Variants in ADGRB3 observed in about 807,000 individuals in gnomAD.
ADGRB3 encodes brain-specific angiogenesis inhibitor 3.
ADGRB3 carries 37 observed loss-of-function variants against 193.4 expected under a neutral mutation model. The ratio of observed to expected loss-of-function variants is 0.19; its 90% CI spans 0.15 to 0.25. The LOEUF (loss-of-function observed/expected upper bound fraction) is 0.25, where lower values mean the gene tolerates loss of function less well. Among genes scored for constraint, ADGRB3 ranks in the 10% least tolerant of loss-of-function variants. The pLI, the probability that ADGRB3 is intolerant of heterozygous loss-of-function variation, is 1.00. For synonymous variants in ADGRB3, 690 were observed against 644.2 expected (o/e 1.07, Z -1.08); for missense variants, 1,637 against 1,852.9 (o/e 0.88, Z 2.14).
intron 3 of ADGRB3, among the ~76,000 whole-genome samples, chr6:68,685,788 G>C (rs1228305327): frequency 1.3e-5 from 2 of 152,078 alleles, no homozygotes; most frequent in Non-Finnish European, 2.9e-5. Context: ...AGCTACTCTG[G>C]AGGCTGAGGC....
chr6:69,215,398 T>C (rs1406989371), intron 17 of ADGRB3, among the ~76,000 whole-genome samples: 1 of 152,122 alleles, frequency 6.6e-6, no homozygotes, highest in Non-Finnish European at 1.5e-5. Flanking sequence ...CCATTTTCTT[T>C]TTTTCTTAGT....
intron 3 of ADGRB3, among the ~76,000 whole-genome samples, chr6:68,818,184 A>G (rs1056601050): frequency 6.6e-6 from 1 of 152,092 alleles, no homozygotes; most frequent in Non-Finnish European, 1.5e-5. Flanking sequence ...GCATGGTTCT[A>G]TGTGCGCACC....
chr6:68,900,831 G>A (rs1384526443), intron 3 of ADGRB3, among the ~76,000 whole-genome samples: 1 of 152,066 alleles, frequency 6.6e-6, no homozygotes, highest in Non-Finnish European at 1.5e-5. Context: ...TCTCCTTACT[G>A]AAATATATAC....
chr6:69,081,089 C>T lies in ADGRB3; in HGVS notation c.2480+5051C>T, dbSNP rs552166335. 1.7e-3 allele frequency among the ~76,000 whole-genome samples: 265 copies of T among 152,036 alleles called. 1 individual carries two copies. The highest frequency in any genetic ancestry group is 1.3e-3 in the African/African-American group (56 of 41,510). ...GTAACCTTGCCTCAGTAGGTATATT[C>T]GTAGTCAGTATGTTGCAGAACTGCA... On this transcript the variant is annotated intron_variant, in intron 17 of 31. Coordinates refer to ENST00000370598, the MANE Select transcript of ADGRB3 (RefSeq NM_001704.3).
chr6:68,991,976 G>T (rs2150274285), intron 10 of ADGRB3, among the ~76,000 whole-genome samples: 1 of 152,174 alleles, frequency 6.6e-6, no homozygotes, highest in Middle Eastern at 3.4e-3. Flanking sequence ...CACCACAAAG[G>T]TGTACTTAGG....
intron 3 of ADGRB3, among the ~76,000 whole-genome samples, chr6:68,919,998 G>A (rs1189253552): frequency 6.6e-6 from 1 of 152,050 alleles, no homozygotes; most frequent in Non-Finnish European, 1.5e-5. Flanking sequence ...GAATGTGAGG[G>A]GGTTGAGATG....
At chr6:69,312,731 A>G (rs934025155) in intron 20 of ADGRB3, among the ~76,000 whole-genome samples, 1 of 151,684 alleles carries the variant, frequency 6.6e-6, no homozygotes, top group African/African-American at 2.4e-5. Context: ...CATCCTAAAT[A>G]TTAATTATCT....
chr6:68,816,727 G>T (rs987002256), intron 3 of ADGRB3, among the ~76,000 whole-genome samples: 1 of 151,686 alleles, frequency 6.6e-6, no homozygotes, highest in South Asian at 2.1e-4. Context: ...GTCACACAAA[G>T]GTTATAATTA....
intron 3 of ADGRB3, among the ~76,000 whole-genome samples, chr6:68,668,000 G>A (rs1221713026): frequency 6.6e-6 from 1 of 151,738 alleles, no homozygotes; most frequent in Non-Finnish European, 1.5e-5. Context: ...ACCGAGCCAA[G>A]CCACATAACC....
intron 30 of ADGRB3, among the ~76,000 whole-genome samples, chr6:69,378,989 T>C (rs1052426457): frequency 3.9e-5 from 6 of 152,072 alleles, no homozygotes; most frequent in African/African-American, 1.2e-4. Context: ...AGGGGTCTTT[T>C]GAAATAAGCT....
At chr6:69,014,305 G>A (rs1770027332) in intron 12 of ADGRB3, among the ~76,000 whole-genome samples, 199 bp downstream of exon 12, 1 of 151,884 alleles carries the variant, frequency 6.6e-6, no homozygotes, top group African/African-American at 2.4e-5. Flanking sequence ...AAAAAAAGCT[G>A]TGCAAGTTTA....
chr6:68,859,411 G>T (rs76823224), intron 3 of ADGRB3, among the ~76,000 whole-genome samples: 4,273 of 152,086 alleles, frequency 0.028, 206 homozygotes, highest in African/African-American at 0.096. Flanking sequence ...TATCTTTTCA[G>T]CAACACCCCA....
intron 3 of ADGRB3, among the ~76,000 whole-genome samples, chr6:68,751,485 A>G (rs188718638): frequency 1.3e-5 from 2 of 152,316 alleles, no homozygotes; most frequent in African/African-American, 2.4e-5. Flanking sequence ...AACATCAGAG[A>G]TGAAAGTTCA....
intron 29 of ADGRB3, among the ~76,000 whole-genome samples, chr6:69,363,441 C>G (rs1300760611): frequency 6.6e-6 from 1 of 152,006 alleles, no homozygotes; most frequent in Admixed American, 6.6e-5. Context: ...AGCAGATCCT[C>G]AAATCACTTT....
intron 17 of ADGRB3, among the ~76,000 whole-genome samples, chr6:69,116,761 C>T (rs1347319345): frequency 6.6e-6 from 1 of 152,172 alleles, no homozygotes; most frequent in East Asian, 1.9e-4. Flanking sequence ...TATTAGCAAA[C>T]CCATTATCCT....
At chr6:68,981,123 G>A (rs1003969717) in intron 10 of ADGRB3, among the ~76,000 whole-genome samples, 2 of 151,584 alleles carry the variant, frequency 1.3e-5, no homozygotes, top group African/African-American at 2.4e-5. Flanking sequence ...TTGTCACCAC[G>A]CTCCAAAATG....
intron 29 of ADGRB3, 86 bp downstream of exon 29, chr6:69,361,598 T>G: frequency 7.1e-7 from 1 of 1,411,500 alleles, no homozygotes; most frequent in East Asian, 2.4e-5. Context: ...GTTGATTGAT[T>G]GATGTGACAC....
chr6:68,871,583 C>G (rs911610267), intron 3 of ADGRB3, among the ~76,000 whole-genome samples: 1 of 151,944 alleles, frequency 6.6e-6, no homozygotes, highest in African/African-American at 2.4e-5. Flanking sequence ...TGTGTGTTCC[C>G]AAATGTCCTT....
chr6:68,810,154 G>T (rs1020375454), intron 3 of ADGRB3, among the ~76,000 whole-genome samples: 1 of 152,132 alleles, frequency 6.6e-6, no homozygotes. Context: ...ATGGGAAATT[G>T]CTCAGTTGAT....
Sources: gnomAD v4.1 joint callset for allele counts (sites outside exome capture counted in the v4.1 genomes callset) on GRCh38, gnomAD v4.1.1 for gene constraint, MANE v1.5 for transcripts, NCBI Gene and HGNC (gene_info 2026-07-23, HGNC 2026-07-21) for gene names.